PTPN4: variants seen among roughly 807,000 people sequenced by gnomAD.
PTPN4 encodes tyrosine-protein phosphatase non-receptor type 4.
PTPN4 carries 49 observed loss-of-function variants against 135.5 expected under a neutral mutation model. That is an observed-to-expected ratio of 0.36 (90% CI 0.29 to 0.46). The LOEUF (loss-of-function observed/expected upper bound fraction) is 0.46. Among genes scored for constraint, PTPN4 ranks in the 20% least tolerant of loss-of-function variants. The pLI is 1.00. For missense variants in PTPN4, 860 were observed against 1,101.0 expected, an observed-to-expected ratio of 0.78 and a Z score of 3.10; for synonymous variants, 333 against 369.9, an observed-to-expected ratio of 0.90 and a Z score of 1.14.
chr2:119,787,459 ACTG>A (rs1204705694), intron 1 of PTPN4, among the ~76,000 whole-genome samples: 1 of 152,218 alleles, frequency 6.6e-6, no homozygotes, highest in Non-Finnish European at 1.5e-5. Context: ...TAATAGTGAT[ACTG>A]CTATTAGAAG....
intron 15 of PTPN4, among the ~76,000 whole-genome samples, chr2:119,937,022 C>G (rs1678994065): frequency 6.6e-6 from 1 of 152,042 alleles, no homozygotes; most frequent in South Asian, 2.1e-4. Context: ...CTGTTCTATT[C>G]AGGAGAATTC....
chr2:119,804,719 G>A (rs955587364), intron 1 of PTPN4, among the ~76,000 whole-genome samples: 3 of 152,118 alleles, frequency 2.0e-5, no homozygotes, highest in Non-Finnish European at 4.4e-5. Flanking sequence ...TTGCTATTGT[G>A]AATAGTGCTG....
chr2:119,873,039 A>AG (rs1677935693), intron 3 of PTPN4, among the ~76,000 whole-genome samples: 1 of 152,182 alleles, frequency 6.6e-6, no homozygotes, highest in Non-Finnish European at 1.5e-5. Context: ...CCCAGACTGG[A>AG]GTGCAGTGTG....
intron 1 of PTPN4, among the ~76,000 whole-genome samples, chr2:119,778,184 C>T (rs976761846): frequency 1.3e-5 from 2 of 151,980 alleles, no homozygotes; most frequent in African/African-American, 4.8e-5. Flanking sequence ...GAAAGATTGG[C>T]TTTATTGTTG....
chr2:119,830,496 C>T (rs933458103), intron 2 of PTPN4, among the ~76,000 whole-genome samples: 3 of 152,002 alleles, frequency 2.0e-5, no homozygotes, highest in Non-Finnish European at 2.9e-5. Flanking sequence ...TTTTTTGAGA[C>T]GAGTCTCTGT....
Position 119,978,548 on chromosome 2 carries a change from T to A in PTPN4, c.*1478T>A, listed in dbSNP as rs116720375. On this transcript the variant is annotated 3_prime_UTR_variant, in exon 27 of 27. Coordinates refer to ENST00000263708, the MANE Select transcript of PTPN4 (RefSeq NM_002830.4). ...TGGAGGATCTGATTCCCATTAAGGA[T>A]GTGGGAATTCCCGTATTTTCCTCTT... 1.3e-5 allele frequency: 2 copies of A among 152,172 alleles called. No homozygotes were observed. Among genetic ancestry groups the A allele is most frequent in the Admixed American group, 1.3e-4 (2 of 15,278 alleles). The allele number at this position is 152,172 out of a possible 1,614,324, so 9.4% of individuals were successfully genotyped here.
chr2:119,813,882 G>C (rs971378664), intron 2 of PTPN4, among the ~76,000 whole-genome samples: 4 of 152,056 alleles, frequency 2.6e-5, no homozygotes, highest in African/African-American at 7.3e-5. Context: ...TCCCAGAACT[G>C]TCTCCTTTGC....
intron 2 of PTPN4, among the ~76,000 whole-genome samples, chr2:119,822,915 C>G (rs924641426): frequency 2.0e-5 from 3 of 152,142 alleles, no homozygotes; most frequent in African/African-American, 7.2e-5. Flanking sequence ...AAGTCACATT[C>G]TTGTATTTTA....
chr2:119,779,078 A>G (rs1553433937), intron 1 of PTPN4, among the ~76,000 whole-genome samples: 1 of 152,168 alleles, frequency 6.6e-6, no homozygotes, highest in Non-Finnish European at 1.5e-5. Context: ...ACAGGGTATC[A>G]GTTTTATAGT....
intron 11 of PTPN4, 147 bp from the exon 12 acceptor site, chr2:119,919,922 A>G (rs1678713027): frequency 1.9e-6 from 2 of 1,071,498 alleles, no homozygotes; most frequent in African/African-American, 1.6e-5. Flanking sequence ...AAAAGATCCT[A>G]GATAAAAGAT....
intron 10 of PTPN4, among the ~76,000 whole-genome samples, chr2:119,902,050 G>A (rs1373903546): frequency 2.0e-5 from 3 of 152,190 alleles, no homozygotes; most frequent in Non-Finnish European, 4.4e-5. Context: ...CAAAATTCAT[G>A]ACAGCCACCG....
intron 1 of PTPN4, among the ~76,000 whole-genome samples, chr2:119,782,680 C>A (rs1032620205): frequency 6.6e-6 from 1 of 151,032 alleles, no homozygotes; most frequent in Non-Finnish European, 1.5e-5. Context: ...AAAAGAAAGA[C>A]CCCTGTGTTA....
At chr2:119,823,570 A>G (rs1267992236) in intron 2 of PTPN4, among the ~76,000 whole-genome samples, 1 of 152,062 alleles carries the variant, frequency 6.6e-6, no homozygotes, top group Admixed American at 6.6e-5. Flanking sequence ...TTGAGGATTT[A>G]CTATTGTCTT....
chr2:119,942,654 T>C (rs892032014), intron 15 of PTPN4, among the ~76,000 whole-genome samples: 1 of 152,226 alleles, frequency 6.6e-6, no homozygotes, highest in South Asian at 2.1e-4. Flanking sequence ...AGACCTGTTA[T>C]ATATGTCGAG....
rs1305735572 is a variant in PTPN4 at position 119,882,119 on chromosome 2, G to A, written c.436G>A (p.Ala146Thr). ...TGRLPCPSNTAALLASFAVQS... is the reference protein window; with the variant it reads ...TGRLPCPSNTTALLASFAVQS... ...TAGATTACCCTGTCCTTCTAATACT[G>A]CTGCCCTTTTAGCTTCATTTGCTGT... is the stretch of plus-strand genomic sequence containing the variant. Residue 146 changes from alanine to threonine, a missense_variant, in exon 7 of 27, where the codon GCT becomes ACT. Around this residue, in one of 2 missense-constraint regions of PTPN4, gnomAD observed 684 missense variants for 807.0 expected, o/e 0.85. Transcript: ENST00000263708. The A allele has an allele frequency of 3.1e-6, 5 of 1,609,966 alleles. No individual in the cohort carries two copies. Among genetic ancestry groups the A allele is most frequent in the Middle Eastern group, 1.6e-4 (1 of 6,074 alleles).
At chr2:119,974,321 C>T (rs1679582570) in intron 26 of PTPN4, among the ~76,000 whole-genome samples, 1 of 152,164 alleles carries the variant, frequency 6.6e-6, no homozygotes, top group South Asian at 2.1e-4. Flanking sequence ...AAGCAATTCT[C>T]CTGCCTCGGC....
At chr2:119,912,735 C>T (rs1032034602) in intron 10 of PTPN4, among the ~76,000 whole-genome samples, 1 of 152,068 alleles carries the variant, frequency 6.6e-6, no homozygotes, top group Non-Finnish European at 1.5e-5. Flanking sequence ...AATCTATGTA[C>T]CATAAATTTG....
intron 1 of PTPN4, among the ~76,000 whole-genome samples, chr2:119,766,449 CGTGTGTGTGTGTGTGTGTGTGT>C (rs745803520): frequency 7.6e-6 from 1 of 130,996 alleles, no homozygotes; most frequent in Admixed American, 7.3e-5. Context: ...CATGTGCGCG[CGTGTGTGTGTGTGTGTGTGTGT>C]GTGTGTGTGT....
rs148662898 is a variant in PTPN4 at position 119,813,984 on chromosome 2, A to C, written c.138+3993A>C. 3.9e-3 allele frequency among the ~76,000 whole-genome samples: 597 copies of C among 152,170 alleles called. 2 individuals carry two copies. The highest frequency in any genetic ancestry group is 0.013 in the African/African-American group (551 of 41,510). ...TTTGCTCTTTGTGTTTATTATTTAA[A>C]TTATTTACCCAGGTGTGCCATACTT... On this transcript the variant is annotated intron_variant, in intron 2 of 26. Coordinates refer to ENST00000263708, the MANE Select transcript of PTPN4 (RefSeq NM_002830.4).
Sources: gnomAD v4.1 joint callset for allele counts (sites outside exome capture counted in the v4.1 genomes callset) on GRCh38, gnomAD v4.1.1 for gene constraint, gnomAD v4.1.1 regional missense constraint, MANE v1.5 for transcripts, NCBI Gene and HGNC (gene_info 2026-07-23, HGNC 2026-07-21) for gene names.